Variants in SCAF1 observed in about 807,000 individuals in gnomAD.
SCAF1 encodes SR-related CTD associated factor 1, also known as splicing factor, arginine/serine-rich 19.
SCAF1 carries 28 observed loss-of-function variants against 91.2 expected under a neutral mutation model. That is an observed-to-expected ratio of 0.31 (90% CI 0.23 to 0.42). SCAF1 has a LOEUF of 0.42. Ranked by LOEUF, SCAF1 falls within the 10% of genes least tolerant of loss-of-function variation. The pLI is 1.00. For missense variants in SCAF1, 1,893 were observed against 1,872.1 expected, an observed-to-expected ratio of 1.01 and a Z score of -0.21; for synonymous variants, 1,036 against 833.7, an observed-to-expected ratio of 1.24 and a Z score of -4.18.
At chr19:49,641,302 G>A (rs2081024971), upstream of SCAF1, among the ~76,000 whole-genome samples, 2 of 152,118 alleles carry the variant, frequency 1.3e-5, no homozygotes, top group Non-Finnish European at 2.9e-5. Context: ...CGGGCTTCTA[G>A]GTTCTAAGTT....
chr19:49,656,333 T>G (rs1375513339), intron 9 of SCAF1, among the ~76,000 whole-genome samples: 1 of 152,148 alleles, frequency 6.6e-6, no homozygotes, highest in Admixed American at 6.5e-5. Flanking sequence ...CTGTGTCTCT[T>G]CTGGCCACAG....
At position 49,650,949 on chromosome 19, in the gene SCAF1, C is replaced by T. The variant is rs952693728; in HGVS notation, c.560C>T (p.Pro187Leu). The T allele has an allele frequency of 2.6e-6, 4 of 1,561,510 alleles. No homozygotes were observed. Among genetic ancestry groups the T allele is most frequent in the African/African-American group, 1.4e-5 (1 of 73,330 alleles). Reference sequence around the variant, plus strand: ...ACGGGAGACGGGGGCCCTGCCCCACCCCCTGCCCCCTCCTCTGCATCCTCC... The same window carrying T: ...ACGGGAGACGGGGGCCCTGCCCCACTCCCTGCCCCCTCCTCTGCATCCTCC... ...LGTGDGGPAP[P>L]PAPSSASSSP... The change falls in exon 7 of 11, where the codon CCC becomes CTC. Residue 187 changes from proline to leucine, a missense_variant. Pro to Leu is a moderately conservative substitution (Grantham distance 98, BLOSUM62 -3). Around this residue, in one of 5 missense-constraint regions of SCAF1, gnomAD observed 270 missense variants for 292.5 expected, o/e 0.92. Coordinates refer to ENST00000360565, the MANE Select transcript of SCAF1 (RefSeq NM_021228.3).
chr19:49,656,690 G>C (rs1422867800), intron 9 of SCAF1, among the ~76,000 whole-genome samples: 1 of 152,184 alleles, frequency 6.6e-6, no homozygotes, highest in Non-Finnish European at 1.5e-5. Context: ...TGCCTCGGAG[G>C]CTCTCTGCCC....
At position 49,652,313 on chromosome 19, in the gene SCAF1, A is replaced by G; in HGVS notation, c.1924A>G (p.Lys642Glu). Residue 642 changes from lysine (K) to glutamate (E), a missense_variant, in exon 7 of 11, where the codon AAG becomes GAG. By Grantham distance (56) the Lys-to-Glu change is moderately conservative. Coordinates refer to ENST00000360565, the MANE Select transcript of SCAF1 (RefSeq NM_021228.3). ...ACACCGGGACGGTGGCGGCAGCAAG[A>G]AGAAGAAGAAGCGGTCGCGGTCCCG... ...GKHRDGGGSK[K>E]KKKRSRSRGE... 2 of 1,531,780 alleles carry G rather than the reference A, an allele frequency of 1.3e-6. No homozygotes were observed. Among genetic ancestry groups the G allele is most frequent in the Non-Finnish European group, 1.8e-6 (2 of 1,142,012 alleles). 94.9% of individuals were successfully genotyped at this position (1,531,780 alleles called of 1,614,324 possible). A position where few individuals can be genotyped will look rare whatever the true frequency, so the allele number is the denominator to read the frequency against.
intron 9 of SCAF1, among the ~76,000 whole-genome samples, chr19:49,655,315 A>G (rs1430503711): frequency 2.0e-5 from 3 of 151,716 alleles, no homozygotes; most frequent in Non-Finnish European, 4.4e-5. Context: ...GCCGGCTCCT[A>G]CTCCTGGGCT....
In SCAF1 at chr19:49,645,105, C is replaced by T. The variant is rs1240833274; in HGVS notation, c.79C>T (p.Pro27Ser). The part of the protein sequence containing the change: ...DRGDGPPDRD[P>S]TLSPSAFILR... ...GGGCGATGGTCCGCCAGACAGAGAC[C>T]CCACGCTTTCTCCTTCTGCCTTTAT... The change falls in exon 2 of 11, where the codon CCC (proline) becomes TCC (serine). Residue 27 changes from proline (P) to serine (S), a missense_variant. Physicochemically the swap from Pro to Ser is moderately conservative, Grantham distance 74. Coordinates refer to ENST00000360565, the MANE Select transcript of SCAF1 (RefSeq NM_021228.3). This position sits in a 1 kb window ranked among gnomAD's most constrained non-coding sequence, Gnocchi z 4.6. The T allele has an allele frequency of 4.3e-6, 7 of 1,614,098 alleles. No homozygotes were observed. The South Asian group carries it at 6.6e-5, about 15-fold the overall frequency.
chr19:49,651,255 G>C lies in SCAF1; in HGVS notation c.866G>C (p.Gly289Ala), dbSNP rs537750547. ...GAGGAAGACGAGGAGGAGGAGGAAG[G>C]CCTGTCCCAGAGCATCAGCCGCATC... ...EEEEDEEEEE[G>A]LSQSISRISE... The change falls in exon 7 of 11, where the codon GGC becomes GCC. Residue 289 changes from glycine to alanine, a missense_variant. Around this residue, in one of 5 missense-constraint regions of SCAF1, gnomAD observed 80 missense variants for 116.6 expected, o/e 0.69. Coordinates refer to ENST00000360565, the MANE Select transcript of SCAF1 (RefSeq NM_021228.3). 6.3e-5 allele frequency: 102 copies of C among 1,612,164 alleles called. No individual in the cohort carries two copies. The East Asian group carries it at 1.8e-3, about 29-fold the overall frequency.
chr19:49,651,623 C>G lies in SCAF1; in HGVS notation c.1234C>G (p.Pro412Ala). The G allele has an allele frequency of 6.8e-7, 1 of 1,460,994 alleles. No individual in the cohort carries two copies. The highest frequency in any genetic ancestry group is 9.0e-7 in the Non-Finnish European group (1 of 1,111,000). 90.5% of individuals were successfully genotyped at this position (1,460,994 alleles called of 1,614,324 possible). A position where few individuals can be genotyped will look rare whatever the true frequency, so the allele number is the denominator to read the frequency against. Reference protein sequence around the residue: ...EPRLALSLFRPGGRAARPTPA... With the variant: ...EPRLALSLFRAGGRAARPTPA... Reference sequence around the variant, plus strand: ...CAGGCTGGCGCTGTCCCTCTTCCGCCCCGGCGGCCGGGCCGCCCGGCCTAC... The same window carrying G: ...CAGGCTGGCGCTGTCCCTCTTCCGCGCCGGCGGCCGGGCCGCCCGGCCTAC... The change falls in exon 7 of 11, where the codon CCC becomes GCC. Residue 412 changes from proline to alanine, a missense_variant. Coordinates refer to ENST00000360565, the MANE Select transcript of SCAF1 (RefSeq NM_021228.3).
Position 49,645,209 on chromosome 19 carries a change from C to A in SCAF1, c.108+75C>A, listed in dbSNP as rs1267925219. The A allele has an allele frequency of 2.6e-6, 4 of 1,517,484 alleles. No individual in the cohort carries two copies. In the African/African-American group the frequency reaches 5.5e-5, roughly 21 times the overall value. The allele number at this position is 1,517,484 out of a possible 1,614,324, so 94.0% of individuals were successfully genotyped here. A position where few individuals can be genotyped will look rare whatever the true frequency, so the allele number is the denominator to read the frequency against. ...ACACTCCAGGGGCCTGACTCCAGGG[C>A]CTGAGGCAGGGGCGCTGGACTCTTG... On this transcript the variant is annotated intron_variant, in intron 2 of 10. Transcript: ENST00000360565. This position sits in a 1 kb window ranked among gnomAD's most constrained non-coding sequence, Gnocchi z 4.6.
rs560162252 is a variant in SCAF1, at chr19:49,642,655, G to A, written c.-7+413G>A. On this transcript the variant is annotated intron_variant, in intron 1 of 10. Coordinates refer to ENST00000360565, the MANE Select transcript of SCAF1 (RefSeq NM_021228.3). The surrounding 1 kb of genome is among the most constrained non-coding windows in gnomAD (Gnocchi z 4.0). Reference sequence around the variant, plus strand: ...TCTTGAGATATGTCCCAGGGGTGAAGGAGGGTCTGCAAGACCTGAAGAGTA... The same window carrying A: ...TCTTGAGATATGTCCCAGGGGTGAAAGAGGGTCTGCAAGACCTGAAGAGTA... The A allele has an allele frequency of 2.0e-5, 3 of 152,442 alleles. No homozygotes were observed. Among genetic ancestry groups the A allele is most frequent in the South Asian group, 2.1e-4 (1 of 4,836 alleles). 9.4% of individuals were successfully genotyped at this position (152,442 alleles called of 1,614,324 possible). A position where few individuals can be genotyped will look rare whatever the true frequency, so the allele number is the denominator to read the frequency against.
intron 9 of SCAF1, among the ~76,000 whole-genome samples, chr19:49,656,016 C>T (rs531595054): frequency 1.1e-4 from 17 of 152,252 alleles, no homozygotes; most frequent in Non-Finnish European, 2.2e-4. Context: ...CAGACGGTGA[C>T]GTTGGCCACC....
At chr19:49,650,295 C>T (rs2081077743) in intron 6 of SCAF1, among the ~76,000 whole-genome samples, 1 of 152,218 alleles carries the variant, frequency 6.6e-6, no homozygotes, top group Non-Finnish European at 1.5e-5. Context: ...GAATCTCACC[C>T]TCTACCAAAC....
chr19:49,652,056 G>A lies in SCAF1; in HGVS notation c.1667G>A (p.Arg556His), dbSNP rs570082188. ...PASPWDSKKH[R>H]SRDRKPGSHA... The stretch of plus-strand genomic sequence containing the variant: ...TCGCCCTGGGACTCCAAGAAGCACC[G>A]CTCGCGGGACCGCAAGCCCGGCTCC... The change falls in exon 7 of 11, where the codon CGC becomes CAC. Residue 556 changes from arginine (R) to histidine (H), a missense_variant. By Grantham distance (29) the Arg-to-His change is conservative. This residue lies in a region of SCAF1 where 1,436 missense variants were observed against 1,306.8 expected (regional missense o/e 1.10). Transcript: ENST00000360565. The A allele has an allele frequency of 6.5e-6, 8 of 1,230,820 alleles. No homozygotes were observed. The highest frequency in any genetic ancestry group is 1.7e-5 in the African/African-American group (1 of 59,202). The allele number at this position is 1,230,820 out of a possible 1,614,324, so 76.2% of individuals were successfully genotyped here.
intron 1 of SCAF1, 93 bp from the exon 2 acceptor site, chr19:49,644,928 T>C (rs1023530359): frequency 2.5e-6 from 2 of 800,816 alleles, no homozygotes; most frequent in African/African-American, 1.7e-5. Context: ...CTGAGGGAGA[T>C]AGTGTGGGGC....
intron 9 of SCAF1, among the ~76,000 whole-genome samples, chr19:49,655,342 C>T (rs1014471237): frequency 6.6e-6 from 1 of 152,114 alleles, no homozygotes. Flanking sequence ...CTGTTTCTCT[C>T]TTGGTCAGGT....
Position 49,645,396 on chromosome 19 carries a change from C to G in SCAF1, c.151C>G (p.Leu51Val). The G allele has an allele frequency of 3.7e-6, 6 of 1,613,776 alleles. No individual in the cohort carries two copies. The highest frequency in any genetic ancestry group is 5.1e-6 in the Non-Finnish European group (6 of 1,179,830). The change falls in exon 3 of 11, where the codon CTG becomes GTG. Residue 51 changes from leucine (L) to valine (V), a missense_variant. Transcript: ENST00000360565. This position sits in a 1 kb window ranked among gnomAD's most constrained non-coding sequence, Gnocchi z 4.6. The part of the protein sequence containing the change: ...QAVGSSLQGD[L>V]PNDKDGSRCH... ...TGTGGGAAGCTCCCTGCAGGGGGAC[C>G]TGCCCAATGATAAAGGTATGGCGGC... is the stretch of plus-strand genomic sequence containing the variant.
chr19:49,650,932 CG>C lies in SCAF1; in HGVS notation c.548del (p.Gly183AlafsTer128). On this transcript the variant is annotated frameshift_variant, in exon 7 of 11. Coordinates refer to ENST00000360565, the MANE Select transcript of SCAF1 (RefSeq NM_021228.3). LOFTEE classifies it high-confidence loss of function. Reference protein sequence around the residue: ...ARHLTLGTGDGGPAPPPAPSS... With the variant: ...ARHLTLGTGDXGPAPPPAPSS... Reference sequence around the variant, plus strand: ...GTCACCTCACCTTGGGCACGGGAGACGGGGGCCCTGCCCCACCCCCTGCCCC... The same window carrying C: ...GTCACCTCACCTTGGGCACGGGAGACGGGGCCCTGCCCCACCCCCTGCCCC... 5 of 1,603,248 alleles carry C rather than the reference CG, an allele frequency of 3.1e-6. No individual in the cohort carries two copies. The highest frequency in any genetic ancestry group is 1.1e-5 in the South Asian group (1 of 89,564).
rs1042719986 is a variant in SCAF1, at chr19:49,654,500, C to T, written c.3399+69C>T. 8.7e-6 allele frequency: 13 copies of T among 1,493,966 alleles called. No homozygotes were observed. The Admixed American group carries it at 2.1e-4, about 24-fold the overall frequency. 92.5% of individuals were successfully genotyped at this position (1,493,966 alleles called of 1,614,324 possible). On this transcript the variant is annotated intron_variant, in intron 8 of 10. Transcript: ENST00000360565. ...CCATTGCCTCGGGTTAGGAGAGGAA[C>T]CGCGGGCCTGGCAGCTCTGGGGCAA...
chr19:49,652,918 G>A lies in SCAF1; in HGVS notation c.2529G>A (p.Glu843=). 1 of 1,613,902 alleles carries A rather than the reference G, an allele frequency of 6.2e-7. No individual in the cohort carries two copies. Among genetic ancestry groups the A allele is most frequent in the African/African-American group, 1.3e-5 (1 of 75,062 alleles). The part of the protein sequence containing the change: ...LQSKVAVLIR[E]GVSSTTPAKD... Reference sequence around the variant, plus strand: ...CCAAGGTGGCGGTGCTGATCCGCGAGGGTGTCAGCAGCACCACCCCGGCCA... The same window carrying A: ...CCAAGGTGGCGGTGCTGATCCGCGAAGGTGTCAGCAGCACCACCCCGGCCA... Residue 843 remains glutamate (E), a synonymous_variant, in exon 7 of 11, where the codon GAG becomes GAA. Transcript: ENST00000360565.
Sources: gnomAD v4.1 joint callset for allele counts (sites outside exome capture counted in the v4.1 genomes callset) on GRCh38, gnomAD v4.1.1 for gene constraint, gnomAD v4.1.1 regional missense constraint, Gnocchi (gnomAD v3.1) non-coding constraint, MANE v1.5 for transcripts, NCBI Gene and HGNC (gene_info 2026-07-23, HGNC 2026-07-21) for gene names.